The following PKMYT1 variants were observed in gnomAD, a reference collection of about 807,000 sequenced individuals.
PKMYT1 encodes the protein membrane-associated tyrosine- and threonine-specific cdc2-inhibitory kinase.
PKMYT1 carries 35 observed loss-of-function variants against 49.7 expected under a neutral mutation model. That is an observed-to-expected ratio of 0.70 (90% CI 0.54 to 0.93). PKMYT1 has a LOEUF of 0.93. Ranked by LOEUF, PKMYT1 falls within the 40% of genes least tolerant of loss-of-function variation. The pLI is 0.00. For missense variants in PKMYT1, 677 were observed against 673.1 expected, an observed-to-expected ratio of 1.01 and a Z score of -0.06; for synonymous variants, 331 against 287.6, an observed-to-expected ratio of 1.15 and a Z score of -1.53.
chr16:2,974,894 C>T, intron 4 of PKMYT1: 1 of 577,718 alleles, frequency 1.7e-6, no homozygotes, highest in Non-Finnish European at 3.1e-6. Context: ...GTGGTGAGTC[C>T]TCCCAGTGCC....
chr16:2,975,462 G>A lies in PKMYT1; in HGVS notation c.729C>T (p.Pro243=), dbSNP rs1195905174. 6.2e-7 allele frequency: 1 copy of A among 1,613,152 alleles called. No individual in the cohort carries two copies. Reference sequence around the variant, plus strand: ...AGTCACCCAGCTTGCAGCGGCCCCGGGGCCCCAGGAAGATGTTGGCAGGCT... The same window carrying A: ...AGTCACCCAGCTTGCAGCGGCCCCGAGGCCCCAGGAAGATGTTGGCAGGCT... ...DVKPANIFLG[P]RGRCKLGDFG... Residue 243 remains proline, a synonymous_variant, in exon 4 of 9, where the codon CCC becomes CCT. Transcript: ENST00000262300.
At position 2,976,800 on chromosome 16, in the gene PKMYT1, C is replaced by T. The variant is rs756526240; in HGVS notation, c.242G>A (p.Arg81Gln). The T allele has an allele frequency of 7.6e-6, 12 of 1,575,646 alleles. No individual in the cohort carries two copies. Among genetic ancestry groups the T allele is most frequent in the East Asian group, 2.3e-5 (1 of 43,174 alleles). Residue 81 changes from arginine to glutamine, a missense_variant, in exon 3 of 9, where the codon CGG becomes CAG. Arg to Gln is a conservative substitution (Grantham distance 43, BLOSUM62 1). Coordinates refer to ENST00000262300, the MANE Select transcript of PKMYT1 (RefSeq NM_004203.5). ...TPGWHQLQPR[R>Q]VSFRGEASET... Reference sequence around the variant, plus strand: ...TGAGGCCTCGCCCCGGAATGACACCCGCCGGGGCTGCAGCTGGTGCCAGCC... The same window carrying T: ...TGAGGCCTCGCCCCGGAATGACACCTGCCGGGGCTGCAGCTGGTGCCAGCC...
Position 2,975,780 on chromosome 16 carries a change from C to G in PKMYT1, c.411G>C (p.Ala137=). The G allele has an allele frequency of 6.3e-7, 1 of 1,597,914 alleles. No homozygotes were observed. The highest frequency in any genetic ancestry group is 1.7e-5 in the Admixed American group (1 of 59,946). ...VRSKEDGRLY[A]VKRSMSPFRG... is the part of the protein sequence containing the mutation. ...GGAATGGTGACATGGAACGCTTTAC[C>G]GCATAGAGCCGGCCGTCCTCCTTGG... Residue 137 remains alanine, a synonymous_variant, in exon 4 of 9, where the codon GCG becomes GCC. Transcript: ENST00000262300.
intron 4 of PKMYT1, 152 bp downstream of exon 4, chr16:2,975,167 T>C (rs1199014763): frequency 4.1e-6 from 4 of 979,776 alleles, no homozygotes; most frequent in East Asian, 2.6e-5. Context: ...AGAGACGCTC[T>C]CCACTGGAGG....
Position 2,976,808 on chromosome 16 carries a change from C to A in PKMYT1, c.234G>T (p.Gln78His). Residue 78 changes from glutamine (Q) to histidine (H), a missense_variant, in exon 3 of 9, where the codon CAG (glutamine) becomes CAT (histidine). Transcript: ENST00000262300. ...CGCCCCGGAATGACACCCGCCGGGG[C>A]TGCAGCTGGTGCCAGCCTGGGGTCC... ...PPRTPGWHQL[Q>H]PRRVSFRGEA... 2 of 1,575,690 alleles carry A rather than the reference C, an allele frequency of 1.3e-6. No homozygotes were observed. Among genetic ancestry groups the A allele is most frequent in the East Asian group, 2.3e-5 (1 of 43,230 alleles).
Position 2,975,553 on chromosome 16 carries a change from T to G in PKMYT1, c.638A>C (p.Tyr213Ser). The change falls in exon 4 of 9, where the codon TAC becomes TCC. Residue 213 changes from tyrosine (Y) to serine (S), a missense_variant. Coordinates refer to ENST00000262300, the MANE Select transcript of PKMYT1 (RefSeq NM_004203.5). ...ASLPEAQVWG[Y>S]LRDTLLALAH... ...CAGGGCAAGCAGCGTGTCCCGCAGG[T>G]AGCCCCAGACCTGGGCCTCAGGCAG... 1 of 1,612,058 alleles carries G rather than the reference T, an allele frequency of 6.2e-7. No homozygotes were observed. The highest frequency in any genetic ancestry group is 8.5e-7 in the Non-Finnish European group (1 of 1,179,844).
At chr16:2,977,465 T>G in intron 2 of PKMYT1, 1 of 996,808 alleles carries the variant, frequency 1.0e-6, no homozygotes, top group Admixed American at 5.7e-5. Flanking sequence ...CTCAAGTGTC[T>G]TTCTTTTTCA....
At chr16:2,977,253 A>T (rs1028138920) in intron 2 of PKMYT1, 1 of 1,385,040 alleles carries the variant, frequency 7.2e-7, no homozygotes, top group East Asian at 2.6e-5. Context: ...TGATAGAAAC[A>T]TAAGAGGAAA....
intron 3 of PKMYT1, among the ~76,000 whole-genome samples, chr16:2,976,445 G>A (rs572288845): frequency 6.6e-6 from 1 of 152,314 alleles, no homozygotes; most frequent in East Asian, 1.9e-4. Context: ...CCAGACTCTG[G>A]ACAAGGGGCC....
chr16:2,977,364 AGCTCTTTGAT>A, intron 2 of PKMYT1: 1 of 1,082,332 alleles, frequency 9.2e-7, no homozygotes, highest in Admixed American at 4.7e-5. Context: ...CATCACGGCC[AGCTCTTTGAT>A]CCTAAACTAC....
rs765618015 is a variant in PKMYT1 at position 2,973,004 on chromosome 16, A to G, written c.1449T>C (p.Phe483=). 1.2e-6 allele frequency: 2 copies of G among 1,610,700 alleles called. No individual in the cohort carries two copies. Residue 483 remains phenylalanine (F), a synonymous_variant, in exon 9 of 9, where the codon TTT becomes TTC. Transcript: ENST00000262300. ...ACAGGCTGAGGAGGTTCCGAGGCTC[A>G]AAGGAGGGGAAGGAGCCCCGAGGAG... The part of the protein sequence containing the change: ...SEPPRGSFPS[F]EPRNLLSLFE...
chr16:2,974,565 G>C lies in PKMYT1; in HGVS notation c.964C>G (p.Pro322Ala). 1.3e-6 allele frequency: 2 copies of C among 1,577,006 alleles called. No individual in the cohort carries two copies. The highest frequency in any genetic ancestry group is 1.7e-6 in the Non-Finnish European group (2 of 1,161,378). ...ACCTACTCACCGGCAGTGAACTCAG[G>C]GGGCAGGTAGCCCTGGCGCAGCTGC... ...WQQLRQGYLP[P>A]EFTAGLSSEL... Residue 322 changes from proline to alanine, a missense_variant, in exon 5 of 9, where the codon CCT (proline) becomes GCT (alanine). Pro to Ala is a conservative substitution (Grantham distance 27). Coordinates refer to ENST00000262300, the MANE Select transcript of PKMYT1 (RefSeq NM_004203.5).
chr16:2,979,544 C>A, intron 2 of PKMYT1, 104 bp downstream of exon 2: 1 of 903,726 alleles, frequency 1.1e-6, no homozygotes, highest in South Asian at 1.3e-5. Context: ...TCCTGGAGGT[C>A]ACTGGTCACA....
chr16:2,974,418 C>G lies in PKMYT1; in HGVS notation c.980-1G>C. The G allele has an allele frequency of 6.2e-7, 1 of 1,606,692 alleles. No individual in the cohort carries two copies. The highest frequency in any genetic ancestry group is 8.5e-7 in the Non-Finnish European group (1 of 1,175,762). On this transcript the variant is annotated splice_acceptor_variant, in intron 5 of 8. Coordinates refer to ENST00000262300, the MANE Select transcript of PKMYT1 (RefSeq NM_004203.5). LOFTEE classifies it high-confidence loss of function. The stretch of plus-strand genomic sequence containing the variant: ...ACAGAACGCAGCTCGGAAGACAGAC[C>G]TGCCCATGAGGAAGGGCCACATCGG...
rs200568818 is a variant in PKMYT1 at position 2,979,678 on chromosome 16, C to G, written c.-21G>C. 1 of 1,613,906 alleles carries G rather than the reference C, an allele frequency of 6.2e-7. No homozygotes were observed. The highest frequency in any genetic ancestry group is 1.3e-5 in the African/African-American group (1 of 75,064). The stretch of plus-strand genomic sequence containing the variant: ...AGCATGACTGGCCTGGCCCAACAGC[C>G]TCAGTGGTGGGACGGGGGAGGCAGG... On this transcript the variant is annotated 5_prime_UTR_variant, in exon 2 of 9. Transcript: ENST00000262300.
intron 7 of PKMYT1, chr16:2,973,626 C>T (rs1010777871): frequency 2.2e-6 from 1 of 456,532 alleles, no homozygotes; most frequent in East Asian, 4.9e-5. Flanking sequence ...TCACTCAAGA[C>T]ACCAGGCCCC....
chr16:2,974,058 G>C lies in PKMYT1; in HGVS notation c.1252C>G (p.Pro418Ala). The C allele has an allele frequency of 1.2e-6, 2 of 1,612,332 alleles. No individual in the cohort carries two copies. The highest frequency in any genetic ancestry group is 1.7e-6 in the Non-Finnish European group (2 of 1,179,768). Residue 418 changes from proline to alanine, a missense_variant, in exon 7 of 9, where the codon CCC (proline) becomes GCC (alanine). Coordinates refer to ENST00000262300, the MANE Select transcript of PKMYT1 (RefSeq NM_004203.5). ...CTGCTGTCCAGGAGCAAACTGCAGG[G>C]TGGTGAGCCAGGCGGGGTGGCTGGC... ...GPPATPPGSPPCSLLLDSSLS... is the reference protein window; with the variant it reads ...GPPATPPGSPACSLLLDSSLS...
chr16:2,976,476 T>C (rs1450665675), intron 3 of PKMYT1, among the ~76,000 whole-genome samples, 188 bp downstream of exon 3: 1 of 152,138 alleles, frequency 6.6e-6, no homozygotes, highest in East Asian at 1.9e-4. Flanking sequence ...GAGCAACCCC[T>C]GGAGGGGCCT....
At position 2,976,893 on chromosome 16, in the gene PKMYT1, C is replaced by A; in HGVS notation, c.149G>T (p.Ser50Ile). ...CTTGGCAGGGGGCGGAGGTGGGAGG[C>A]TCCGGCTGAGCCCCCTGGGCCTCTT... ...SLKRPRGLSR[S>I]LPPPPPAKGS... Residue 50 changes from serine (S) to isoleucine (I), a missense_variant, in exon 3 of 9, where the codon AGC becomes ATC. Transcript: ENST00000262300. 6.5e-7 allele frequency: 1 copy of A among 1,536,612 alleles called. No individual in the cohort carries two copies. Among genetic ancestry groups the A allele is most frequent in the Non-Finnish European group, 8.8e-7 (1 of 1,135,932 alleles).
Sources: allele counts gnomAD v4.1 joint callset (sites outside exome capture counted in the v4.1 genomes callset), GRCh38; gene constraint gnomAD v4.1.1; transcripts MANE v1.5; gene names NCBI Gene and HGNC (gene_info 2026-07-23, HGNC 2026-07-21).